FOCAD: variants seen among roughly 807,000 people sequenced by gnomAD.
FOCAD encodes focadhesin.
Under a neutral mutation model 225.6 loss-of-function variants are expected in FOCAD, and 198 were observed. That is an observed-to-expected ratio of 0.88 (90% CI 0.78 to 0.99). The LOEUF is 0.99. Among genes scored for constraint, FOCAD ranks in the 50% least tolerant of loss-of-function variants. FOCAD has a pLI of 0.00. For missense variants in FOCAD, 2,713 were observed against 2,123.6 expected, an observed-to-expected ratio of 1.28 and a Z score of -5.46; for synonymous variants, 897 against 755.0, an observed-to-expected ratio of 1.19 and a Z score of -3.08.
intron 15 of FOCAD, among the ~76,000 whole-genome samples, chr9:20,834,677 T>C (rs2131524702): frequency 6.6e-6 from 1 of 152,078 alleles, no homozygotes; most frequent in South Asian, 2.1e-4. Flanking sequence ...AATCTATGTG[T>C]GTAGAAATCA....
chr9:20,943,543 A>G (rs998718179), intron 28 of FOCAD, among the ~76,000 whole-genome samples: 1 of 152,142 alleles, frequency 6.6e-6, no homozygotes, highest in Admixed American at 6.5e-5. Flanking sequence ...CCTTCTGGGT[A>G]TCTTCTTTTA....
intron 9 of FOCAD, among the ~76,000 whole-genome samples, chr9:20,780,150 A>G (rs1819224454): frequency 6.6e-6 from 1 of 152,358 alleles, no homozygotes; most frequent in East Asian, 1.9e-4. Flanking sequence ...GATTTGTGCA[A>G]CCAGCACCAC....
Position 20,926,336 on chromosome 9 carries a change from T to C in FOCAD, c.2997T>C (p.Val999=), listed in dbSNP as rs1353552807. The part of the protein sequence containing the change: ...QPNFLSMKEW[V]SMVLDTLLVI... ...ATTTCCTTTCAATGAAAGAGTGGGT[T>C]TCCATGGTACTTGATACACTCTTGG... is the stretch of plus-strand genomic sequence containing the variant. Residue 999 remains valine, a synonymous_variant, in exon 26 of 44, where the codon GTT becomes GTC. Coordinates refer to ENST00000338382, the MANE Select transcript of FOCAD (RefSeq NM_001375567.1). 3.1e-5 allele frequency: 50 copies of C among 1,613,094 alleles called. No homozygotes were observed. Among genetic ancestry groups the C allele is most frequent in the Non-Finnish European group, 4.1e-5 (48 of 1,179,282 alleles).
chr9:20,866,059 A>C (rs1029305301), intron 17 of FOCAD, 83 bp downstream of exon 17: 2 of 1,156,762 alleles, frequency 1.7e-6, no homozygotes, highest in African/African-American at 3.2e-5. Flanking sequence ...TCTTAGGATA[A>C]AAAGTACAAC....
intron 35 of FOCAD, among the ~76,000 whole-genome samples, chr9:20,955,069 G>A (rs941379358): frequency 9.9e-5 from 15 of 152,170 alleles, no homozygotes; most frequent in African/African-American, 2.9e-4. Context: ...ATCAGAGCCC[G>A]GTGGGACTGC....
intron 11 of FOCAD, among the ~76,000 whole-genome samples, chr9:20,800,518 C>G (rs1821679918): frequency 6.6e-6 from 1 of 152,138 alleles, no homozygotes; most frequent in South Asian, 2.1e-4. Context: ...TTCACATAGT[C>G]CCATATTTCT....
chr9:20,888,227 C>T (rs913067139), intron 21 of FOCAD, among the ~76,000 whole-genome samples: 6 of 150,762 alleles, frequency 4.0e-5, no homozygotes, highest in African/African-American at 1.5e-4. Flanking sequence ...CAACCTCCGC[C>T]TCCTGGGCTC....
Position 20,789,355 on chromosome 9 carries a change from C to A in FOCAD, c.1202C>A (p.Ser401Tyr). The change falls in exon 11 of 44, where the codon TCC (serine) becomes TAC (tyrosine). Residue 401 changes from serine to tyrosine, a missense_variant. By Grantham distance (144) the Ser-to-Tyr change is moderately radical. Coordinates refer to ENST00000338382, the MANE Select transcript of FOCAD (RefSeq NM_001375567.1). ...ECYRDDHQKL[S>Y]YKLVCPVTSM... ...TCTCTTGTCTTTATTTTTCAGCTCT[C>A]CTACAAGCTTGTGTGCCCTGTAACC... The A allele has an allele frequency of 6.2e-7, 1 of 1,610,192 alleles. No individual in the cohort carries two copies.
chr9:20,742,423 A>G (rs965052602), intron 5 of FOCAD, among the ~76,000 whole-genome samples: 13 of 150,766 alleles, frequency 8.6e-5, no homozygotes, highest in African/African-American at 2.7e-4. Flanking sequence ...CTTGTCTAAC[A>G]GGCTCCCAGG....
At chr9:20,823,915 C>T (rs1824602141) in intron 15 of FOCAD, among the ~76,000 whole-genome samples, 3 of 152,068 alleles carry the variant, frequency 2.0e-5, no homozygotes, top group Admixed American at 2.0e-4. Flanking sequence ...CTTAACAACT[C>T]TGCAGTATAG....
At chr9:20,993,751 T>C (rs1841857537) in intron 43 of FOCAD, among the ~76,000 whole-genome samples, 1 of 152,172 alleles carries the variant, frequency 6.6e-6, no homozygotes, top group Non-Finnish European at 1.5e-5. Flanking sequence ...CCTATATTGG[T>C]TTCTGAAAGA....
At chr9:20,735,303 A>G (rs2131628961) in intron 4 of FOCAD, among the ~76,000 whole-genome samples, 1 of 152,180 alleles carries the variant, frequency 6.6e-6, no homozygotes, top group South Asian at 2.1e-4. Context: ...TTTTAGTTAC[A>G]GATTTTTCTT....
intron 2 of FOCAD, among the ~76,000 whole-genome samples, chr9:20,666,700 A>G (rs955790759): frequency 2.0e-5 from 3 of 152,204 alleles, no homozygotes; most frequent in Non-Finnish European, 4.4e-5. Context: ...GATGGAAGAG[A>G]AGAGGGTGTT....
At chr9:20,663,705 G>T (rs574425736) in intron 2 of FOCAD, among the ~76,000 whole-genome samples, 1 of 152,212 alleles carries the variant, frequency 6.6e-6, no homozygotes, top group East Asian at 1.9e-4. Flanking sequence ...AAAACAATAC[G>T]TAACCTCAAG....
At chr9:20,728,309 C>G (rs1279201554) in intron 4 of FOCAD, among the ~76,000 whole-genome samples, 1 of 151,896 alleles carries the variant, frequency 6.6e-6, no homozygotes, top group Non-Finnish European at 1.5e-5. Flanking sequence ...TTGGATAGAC[C>G]CAAGTCTAAA....
intron 24 of FOCAD, among the ~76,000 whole-genome samples, chr9:20,923,410 C>G (rs1261075556): frequency 6.6e-6 from 1 of 152,094 alleles, no homozygotes; most frequent in Non-Finnish European, 1.5e-5. Context: ...ACTTACTAAG[C>G]TTGGATTTTT....
At chr9:20,845,907 A>C (rs1827057514) in intron 15 of FOCAD, among the ~76,000 whole-genome samples, 1 of 152,172 alleles carries the variant, frequency 6.6e-6, no homozygotes, top group South Asian at 2.1e-4. Context: ...ATTTGGTTGC[A>C]GTTATCTGAG....
intron 10 of FOCAD, chr9:20,786,963 C>A (rs913522134): frequency 1.7e-5 from 8 of 474,912 alleles, no homozygotes; most frequent in Admixed American, 1.6e-4. Flanking sequence ...GGCTATGGGG[C>A]CAGGATTTGG....
chr9:20,804,600 T>C (rs1822207964), intron 11 of FOCAD, among the ~76,000 whole-genome samples: 1 of 152,144 alleles, frequency 6.6e-6, no homozygotes, highest in African/African-American at 2.4e-5. Flanking sequence ...ATGAATTGTC[T>C]TGTTGTGCAA....
Sources: gnomAD v4.1 joint callset for allele counts (sites outside exome capture counted in the v4.1 genomes callset) on GRCh38, gnomAD v4.1.1 for gene constraint, MANE v1.5 for transcripts, NCBI Gene and HGNC (gene_info 2026-07-23, HGNC 2026-07-21) for gene names.